Variants in HSPG2 observed in about 807,000 individuals in gnomAD.
HSPG2 encodes the protein heparan sulfate proteoglycan 2, also known as basement membrane-specific heparan sulfate proteoglycan core protein.
In HSPG2, 278 loss-of-function variants were observed where a neutral mutation model predicts 526.6. That is an observed-to-expected ratio of 0.53 (90% confidence interval 0.48 to 0.58). The LOEUF (loss-of-function observed/expected upper bound fraction) is 0.58. HSPG2 is among the 20% of genes least tolerant of loss of function. The pLI is 0.00. For synonymous variants in HSPG2, 2,465 were observed against 2,555.4 expected (o/e 0.96, Z 1.07); for missense variants, 5,354 against 6,099.5 (o/e 0.88, Z 4.07).
chr1:21,855,310 T>C lies in HSPG2; in HGVS notation c.5991A>G (p.Pro1997=), dbSNP rs772095459. 4 of 1,603,650 alleles carry C rather than the reference T, an allele frequency of 2.5e-6. No individual in the cohort carries two copies. The highest frequency in any genetic ancestry group is 3.4e-6 in the Non-Finnish European group (4 of 1,176,234). Residue 1997 remains proline (P), a synonymous_variant, in exon 47 of 97, where the codon CCA becomes CCG. Coordinates refer to ENST00000374695, the MANE Select transcript of HSPG2 (RefSeq NM_005529.7). ...ITWRKEGGSL[P]PQARSERTDI... Reference sequence around the variant, plus strand: ...GGTGGGCCCATCTCCTCACCTGTGGTGGGAGGCTGCCCCCTTCCTTCCTCC... The same window carrying C: ...GGTGGGCCCATCTCCTCACCTGTGGCGGGAGGCTGCCCCCTTCCTTCCTCC...
At chr1:21,905,512 C>T (rs1052448270) in intron 1 of HSPG2, among the ~76,000 whole-genome samples, 6 of 152,178 alleles carry the variant, frequency 3.9e-5, no homozygotes, top group East Asian at 1.9e-4. Context: ...GAGGCCGAGG[C>T]GGGTGGATCA....
intron 18 of HSPG2, 37 bp from the exon 19 acceptor site, chr1:21,878,700 T>C (rs369081645): frequency 6.3e-7 from 1 of 1,578,924 alleles, no homozygotes; most frequent in Admixed American, 1.7e-5. Flanking sequence ...GGGGCAGGGC[T>C]GGGGTCAGGC....
At position 21,824,803 on chromosome 1, in the gene HSPG2, C is replaced by A; in HGVS notation, c.12590-24G>T. 6.3e-7 allele frequency: 1 copy of A among 1,597,340 alleles called. No individual in the cohort carries two copies. The highest frequency in any genetic ancestry group is 1.3e-5 in the African/African-American group (1 of 74,670). On this transcript the variant is annotated intron_variant, in intron 91 of 96. Transcript: ENST00000374695. This position sits in a 1 kb window ranked among gnomAD's most constrained non-coding sequence, Gnocchi z 5.9. The stretch of plus-strand genomic sequence containing the variant: ...ATCTGTGGGAGAGAGGAGGGTGGTG[C>A]CATACCTGCTGCATCAGGCATCAAA...
chr1:21,824,809 C>G lies in HSPG2; in HGVS notation c.12590-30G>C. 1 of 1,587,942 alleles carries G rather than the reference C, an allele frequency of 6.3e-7. No individual in the cohort carries two copies. The highest frequency in any genetic ancestry group is 1.1e-5 in the South Asian group (1 of 88,682). On this transcript the variant is annotated intron_variant, in intron 91 of 96. Coordinates refer to ENST00000374695, the MANE Select transcript of HSPG2 (RefSeq NM_005529.7). The surrounding 1 kb of genome is among the most constrained non-coding windows in gnomAD (Gnocchi z 5.9). ...GGGAGAGAGGAGGGTGGTGCCATAC[C>G]TGCTGCATCAGGCATCAAAATCCCC...
At chr1:21,875,804 G>GGAGAGGCAGGA in intron 24 of HSPG2, 57 bp from the exon 25 acceptor site, 1 of 1,607,020 alleles carries the variant, frequency 6.2e-7, no homozygotes, top group Non-Finnish European at 8.5e-7. Flanking sequence ...ATTGAATGCC[G>GGAGAGGCAGGA]GAGAGGCAGG....
Position 21,851,646 on chromosome 1 carries a change from G to A in HSPG2, c.7058C>T (p.Ala2353Val), listed in dbSNP as rs772246219. Residue 2353 changes from alanine (A) to valine (V), a missense_variant, in exon 55 of 97, where the codon GCG (alanine) becomes GTG (valine). Physicochemically the swap from Ala to Val is moderately conservative, Grantham distance 64. Transcript: ENST00000374695. ...IRIEPSSSQV[A>V]EGQTLDLNCV... is the part of the protein sequence containing the mutation. ...GTTCAGATCCAGGGTCTGCCCTTCC[G>A]CCACTTGCGAGGAGGAGGGCTCGAT... The A allele has an allele frequency of 1.1e-5, 17 of 1,613,894 alleles. No homozygotes were observed. Among genetic ancestry groups the A allele is most frequent in the African/African-American group, 1.3e-5 (1 of 74,898 alleles).
At chr1:21,907,497 A>G (rs1386754524) in intron 1 of HSPG2, among the ~76,000 whole-genome samples, 1 of 152,078 alleles carries the variant, frequency 6.6e-6, no homozygotes, top group African/African-American at 2.4e-5. Flanking sequence ...GCACCGTTAG[A>G]GTTTGGGCCC....
At chr1:21,935,270 C>T (rs1198928776) in intron 1 of HSPG2, among the ~76,000 whole-genome samples, 1 of 152,238 alleles carries the variant, frequency 6.6e-6, no homozygotes, top group Non-Finnish European at 1.5e-5. Context: ...CAGCCCACCA[C>T]CAGCAGCCTG....
At position 21,825,937 on chromosome 1, in the gene HSPG2, C is replaced by T. The variant is rs1027592429; in HGVS notation, c.12590-1158G>A. ...AGTAGCTGGGACTACAGGTGTGCAC[C>T]ACCACACCTGGCTAATTTTTGTATT... On this transcript the variant is annotated intron_variant, in intron 91 of 96. Transcript: ENST00000374695. Among the ~76,000 whole-genome samples the T allele has an allele frequency of 4.6e-5, 7 of 152,056 alleles. No homozygotes were observed. The East Asian group carries it at 5.8e-4, about 13-fold the overall frequency.
Position 21,855,856 on chromosome 1 carries a change from G to T in HSPG2, c.5632C>A (p.Gln1878Lys), listed in dbSNP as rs1288545328. Reference sequence around the variant, plus strand: ...CGGAACTCCGCCAGTTGCCCGGGCTGCACTGTGAGCTGTGGCGGATGGATG... The same window carrying T: ...CGGAACTCCGCCAGTTGCCCGGGCTTCACTGTGAGCTGTGGCGGATGGATG... ...VSIHPPQLTV[Q>K]PGQLAEFRCS... The change falls in exon 45 of 97, where the codon CAG (glutamine) becomes AAG (lysine). Residue 1878 changes from glutamine to lysine, a missense_variant. By Grantham distance (53) the Gln-to-Lys change is moderately conservative. Transcript: ENST00000374695. 6.2e-7 allele frequency: 1 copy of T among 1,612,934 alleles called. No homozygotes were observed. The highest frequency in any genetic ancestry group is 1.3e-5 in the African/African-American group (1 of 75,056).
rs752313159 is a variant in HSPG2 at position 21,831,061 on chromosome 1, G to A, written c.11592C>T (p.Ser3864=). Residue 3864 remains serine (S), a synonymous_variant, in exon 85 of 97, where the codon AGC becomes AGT. Transcript: ENST00000374695. ...QNGGQCHDSE[S]SSYVCVCPAG... is the part of the protein sequence containing the mutation. ...CTGGGCAGACGCACACGTAGCTGCTGCTCTCAGAGTCATGGCACTGACCGC... is the reference window on the plus strand; with the variant it reads ...CTGGGCAGACGCACACGTAGCTGCTACTCTCAGAGTCATGGCACTGACCGC... The A allele has an allele frequency of 6.3e-7, 1 of 1,595,862 alleles. No homozygotes were observed. The highest frequency in any genetic ancestry group is 8.5e-7 in the Non-Finnish European group (1 of 1,171,484).
intron 55 of HSPG2, chr1:21,851,257 G>A (rs1638871612): frequency 2.1e-6 from 1 of 470,390 alleles, no homozygotes; most frequent in East Asian, 4.3e-5. Context: ...ACAGGCGTAA[G>A]CCACCGTGCC....
intron 33 of HSPG2, chr1:21,870,365 C>A: frequency 1.1e-6 from 1 of 908,362 alleles, no homozygotes; most frequent in Non-Finnish European, 1.3e-6. Flanking sequence ...AGTCCTGGAG[C>A]TAGAGCCATG....
At position 21,906,965 on chromosome 1, in the gene HSPG2, G is replaced by T. The variant is rs191251735; in HGVS notation, c.64-10655C>A. ...TCTTGAAGATAAGAAAAGCCGCAAG[G>T]CCCCATGGAAGGAAAAGCGGGCTGG... On this transcript the variant is annotated intron_variant, in intron 1 of 96. Transcript: ENST00000374695. Among the ~76,000 whole-genome samples, 11 of 152,262 alleles carry T rather than the reference G, an allele frequency of 7.2e-5. No individual in the cohort carries two copies. In the East Asian group the frequency reaches 2.1e-3, roughly 29 times the overall value.
Position 21,880,434 on chromosome 1 carries a change from G to T in HSPG2, c.2124C>A (p.Ser708Arg). ...TGACGGTGGTATCCATGGCGATGTCGCTAAGTCCCACGCTGGCCATCTTGG... is the reference window on the plus strand; with the variant it reads ...TGACGGTGGTATCCATGGCGATGTCTCTAAGTCCCACGCTGGCCATCTTGG... ...YNTKMASVGL[S>R]DIAMDTTVTH... The change falls in exon 16 of 97, where the codon AGC becomes AGA. Residue 708 changes from serine to arginine, a missense_variant. Coordinates refer to ENST00000374695, the MANE Select transcript of HSPG2 (RefSeq NM_005529.7). 6.2e-7 allele frequency: 1 copy of T among 1,613,996 alleles called. No homozygotes were observed. The highest frequency in any genetic ancestry group is 8.5e-7 in the Non-Finnish European group (1 of 1,179,998).
At chr1:21,879,343 C>A (rs1641330401) in intron 17 of HSPG2, among the ~76,000 whole-genome samples, 2 of 152,154 alleles carry the variant, frequency 1.3e-5, no homozygotes, top group African/African-American at 2.4e-5. Context: ...TTTTTATTGA[C>A]CTAAACCTGC....
At chr1:21,934,071 G>T (rs1188940443) in intron 1 of HSPG2, among the ~76,000 whole-genome samples, 1 of 152,098 alleles carries the variant, frequency 6.6e-6, no homozygotes, top group East Asian at 1.9e-4. Context: ...AAGGCCTGCC[G>T]AGTCACCCAG....
At chr1:21,929,546 T>A (rs1644293428) in intron 1 of HSPG2, among the ~76,000 whole-genome samples, 1 of 150,842 alleles carries the variant, frequency 6.6e-6, no homozygotes, top group South Asian at 2.1e-4. Flanking sequence ...GTGTGGGGAT[T>A]ACAGGTGTGA....
Position 21,850,910 on chromosome 1 carries a change from T to C in HSPG2, c.7159-412A>G, listed in dbSNP as rs573707189. On this transcript the variant is annotated intron_variant, in intron 55 of 96. Coordinates refer to ENST00000374695, the MANE Select transcript of HSPG2 (RefSeq NM_005529.7). ...AAAATATTAACAGCTTAGAGTACTT[T>C]CTGTGAGCCTAAGCTCTGAGGATTT... Among the ~76,000 whole-genome samples, 19 of 152,284 alleles carry C rather than the reference T, an allele frequency of 1.2e-4. No individual in the cohort carries two copies. In the East Asian group the frequency reaches 3.5e-3, roughly 28 times the overall value.
Sources: gnomAD v4.1 joint callset for allele counts (sites outside exome capture counted in the v4.1 genomes callset) on GRCh38, gnomAD v4.1.1 for gene constraint, Gnocchi (gnomAD v3.1) non-coding constraint, MANE v1.5 for transcripts, NCBI Gene and HGNC (gene_info 2026-07-23, HGNC 2026-07-21) for gene names.